The following KIAA1210 variants were observed in gnomAD, a reference collection of about 807,000 sequenced individuals.
KIAA1210 encodes the protein KIAA1210, also known as acrosomal protein KIAA1210.
KIAA1210 carries 48 observed loss-of-function variants against 78.9 expected under a neutral mutation model. That is an observed-to-expected ratio of 0.61 (90% CI 0.48 to 0.77). The LOEUF is 0.77. Among genes scored for constraint, KIAA1210 ranks in the 30% least tolerant of loss-of-function variants. KIAA1210 has a pLI of 0.00. For missense variants in KIAA1210, 1,108 were observed against 1,100.0 expected (o/e 1.01, Z -0.10); for synonymous variants, 406 against 404.5 (o/e 1.00, Z -0.04).
Position 119,092,819 on chromosome X carries a change from G to A in KIAA1210, c.955+848C>T, listed in dbSNP as rs1927428364. Reference sequence around the variant, plus strand: ...AATAAATAAAAATAAAGCTCAAAAAGACAAAAGAGTACTCATTTAATCTTC... The same window carrying A: ...AATAAATAAAAATAAAGCTCAAAAAAACAAAAGAGTACTCATTTAATCTTC... On this transcript the variant is annotated intron_variant, in intron 8 of 11. Coordinates refer to ENST00000691062, the MANE Select transcript of KIAA1210 (RefSeq NM_001394962.1). Among the ~76,000 whole-genome samples, 3 of 107,199 alleles carry A rather than the reference G, an allele frequency of 2.8e-5. No homozygotes were observed. The Admixed American group carries it at 3.0e-4, about 11-fold the overall frequency. 93.1% of individuals were successfully genotyped at this position (107,199 alleles called of 115,157 possible). A position where few individuals can be genotyped will look rare whatever the true frequency, so the allele number is the denominator to read the frequency against.
Position 119,081,282 on chromosome X carries a change from A to G in KIAA1210, c.*47T>C, listed in dbSNP as rs766149150. ...ACTCTGTCTCAAAAAAAAAAAAAAAAAAAAAAACTAAATAAAATAAATGCT... is the reference window on the plus strand; with the variant it reads ...ACTCTGTCTCAAAAAAAAAAAAAAAGAAAAAAACTAAATAAAATAAATGCT... On this transcript the variant is annotated 3_prime_UTR_variant, in exon 12 of 12. Transcript: ENST00000691062. The G allele has an allele frequency of 1.6e-5, 16 of 991,566 alleles. No homozygotes were observed. Among genetic ancestry groups the G allele is most frequent in the Non-Finnish European group, 1.7e-5 (13 of 746,517 alleles). The allele number at this position is 991,566 out of a possible 1,213,427, so 81.7% of individuals were successfully genotyped here. A position where few individuals can be genotyped will look rare whatever the true frequency, so the allele number is the denominator to read the frequency against.
intron 6 of KIAA1210, among the ~76,000 whole-genome samples, chrX:119,099,078 A>T (rs956137702): frequency 8.9e-6 from 1 of 112,440 alleles, no homozygotes; most frequent in African/African-American, 3.2e-5. Flanking sequence ...GAGGTCTATG[A>T]ATCTGGAAAC....
rs1400879871 is a variant in KIAA1210 at position 119,096,590 on chromosome X, G to T, written c.750C>A (p.Ser250Arg). The T allele has an allele frequency of 8.3e-7, 1 of 1,211,253 alleles. No individual in the cohort carries two copies. The highest frequency in any genetic ancestry group is 1.1e-6 in the Non-Finnish European group (1 of 894,956). ...AACAGCCCTGGGTGGTGGCTGGGGT[G>T]CTGAAACCAATGGGCAGCTGGGTGC... The part of the protein sequence containing the change: ...TSSTQLPIGF[S>R]TPATTQGCLD... The change falls in exon 7 of 12, where the codon AGC becomes AGA. Residue 250 changes from serine (S) to arginine (R), a missense_variant. Physicochemically the swap from Ser to Arg is moderately radical, Grantham distance 110. Coordinates refer to ENST00000691062, the MANE Select transcript of KIAA1210 (RefSeq NM_001394962.1).
At chrX:119,109,044 A>G (rs1288901430) in intron 4 of KIAA1210, 32 bp downstream of exon 4, 3 of 1,201,265 alleles carry the variant, frequency 2.5e-6, no homozygotes, top group Non-Finnish European at 3.4e-6. Flanking sequence ...GAAGTAGTCC[A>G]ATTAGACACT....
rs1402715141 is a variant in KIAA1210 at position 119,108,482 on chromosome X, G to A, written c.358-11C>T. 8.4e-7 allele frequency: 1 copy of A among 1,196,709 alleles called. No individual in the cohort carries two copies. The highest frequency in any genetic ancestry group is 1.1e-6 in the Non-Finnish European group (1 of 890,110). ...GGAAATATGGGATCTCTGTGTAAGA[G>A]AGAGAGAAAAAAACTTGAGGATTGG... On this transcript the variant is annotated splice_polypyrimidine_tract_variant and intron_variant, in intron 4 of 11. Transcript: ENST00000691062.
chrX:119,138,211 G>GTTTTTTTTTT (rs759946882), intron 2 of KIAA1210, among the ~76,000 whole-genome samples: 5 of 47,845 alleles, frequency 1.0e-4, no homozygotes, highest in African/African-American at 1.8e-4. Context: ...TGGTTTGGTT[G>GTTTTTTTTTT]TTTTTTTTTT....
rs1928901087 is a variant in KIAA1210, at chrX:119,135,882, C to T, written c.410+11591G>A. ...CATCCTGGCCAACATGTTGAAACCC[C>T]GTCTCTACTAAAAATACAAAAATTA... On this transcript the variant is annotated intron_variant, in intron 2 of 13. Transcript: ENST00000402510. Among the ~76,000 whole-genome samples the T allele has an allele frequency of 3.6e-5, 4 of 111,096 alleles. No individual in the cohort carries two copies. The South Asian group carries it at 1.5e-3, about 43-fold the overall frequency.
intron 6 of KIAA1210, among the ~76,000 whole-genome samples, chrX:119,104,601 C>T (rs1330978701): frequency 3.6e-5 from 4 of 111,603 alleles, no homozygotes; most frequent in Admixed American, 1.9e-4. Context: ...ATAGACACAT[C>T]GCCCTCTCAC....
At chrX:119,108,906 A>T (rs1927981804) in intron 4 of KIAA1210, among the ~76,000 whole-genome samples, 170 bp downstream of exon 4, 1 of 110,937 alleles carries the variant, frequency 9.0e-6, no homozygotes, top group Non-Finnish European at 1.9e-5. Flanking sequence ...GGTAATAGGC[A>T]CATTATATAT....
intron 9 of KIAA1210, among the ~76,000 whole-genome samples, 169 bp from the exon 10 acceptor site, chrX:119,085,715 C>A (rs1927111330): frequency 8.9e-6 from 1 of 112,438 alleles, no homozygotes; most frequent in Non-Finnish European, 1.9e-5. Context: ...CTCCCTATAG[C>A]TTGGCAAGGC....
intron 7 of KIAA1210, among the ~76,000 whole-genome samples, chrX:119,094,339 G>T (rs1169391247): frequency 8.9e-6 from 1 of 111,830 alleles, no homozygotes; most frequent in African/African-American, 3.3e-5. Flanking sequence ...GCTGAAGTTG[G>T]TTTAGTATAA....
chrX:119,142,774 CAAAAAAAA>C (rs11439597), intron 2 of KIAA1210, among the ~76,000 whole-genome samples: 1 of 38,801 alleles, frequency 2.6e-5, no homozygotes, highest in African/African-American at 1.0e-4. Context: ...GACTCCATCT[CAAAAAAAA>C]AAAAAAAAAA....
chrX:119,144,505 A>G (rs1211127594), intron 2 of KIAA1210, among the ~76,000 whole-genome samples: 1 of 111,765 alleles, frequency 8.9e-6, no homozygotes, highest in Non-Finnish European at 1.9e-5. Flanking sequence ...CACTACTATG[A>G]TTACCATTTT....
chrX:119,114,539 T>C (rs967592598), intron 3 of KIAA1210, among the ~76,000 whole-genome samples: 9 of 112,375 alleles, frequency 8.0e-5, no homozygotes, highest in Admixed American at 1.9e-4. Flanking sequence ...TATGCACATA[T>C]AACACGCTTT....
In KIAA1210 at chrX:119,079,423, G is replaced by A. The variant is rs192017735; in HGVS notation, c.*1906C>T. 8.9e-6 allele frequency: 1 copy of A among 111,738 alleles called. No homozygotes were observed. Among genetic ancestry groups the A allele is most frequent in the Non-Finnish European group, 1.9e-5 (1 of 53,099 alleles). 9.2% of individuals were successfully genotyped at this position (111,738 alleles called of 1,213,427 possible). A position where few individuals can be genotyped will look rare whatever the true frequency, so the allele number is the denominator to read the frequency against. On this transcript the variant is annotated 3_prime_UTR_variant, in exon 12 of 12. Transcript: ENST00000691062. ...GGGAGCTCTCCCTTAGTGTTTGGTG[G>A]GTTTGGGGGATGGAATGAAGAGAAA...
At chrX:119,094,062 T>C (rs201002608) in intron 7 of KIAA1210, 2 of 1,204,999 alleles carry the variant, frequency 1.7e-6, no homozygotes, top group African/African-American at 1.8e-5. Flanking sequence ...TAAAATACCC[T>C]GGAAATGACT....
chrX:119,104,015 C>T (rs1569316667), intron 6 of KIAA1210, among the ~76,000 whole-genome samples: 1 of 112,068 alleles, frequency 8.9e-6, no homozygotes, highest in African/African-American at 3.2e-5. Context: ...GGTTCTGGAC[C>T]TTGATAGTGG....
intron 3 of KIAA1210, 59 bp downstream of exon 3, chrX:119,116,437 A>C: frequency 8.8e-7 from 1 of 1,132,199 alleles, no homozygotes; most frequent in Non-Finnish European, 1.2e-6. Context: ...AAGGTGACCT[A>C]GATCCAACTG....
chrX:119,133,814 C>T (rs1163911656), intron 2 of KIAA1210, among the ~76,000 whole-genome samples: 1 of 109,100 alleles, frequency 9.2e-6, no homozygotes, highest in Non-Finnish European at 1.9e-5. Context: ...TGATGCATGG[C>T]TTTGGTGGCA....
Sources: allele counts gnomAD v4.1 joint callset (sites outside exome capture counted in the v4.1 genomes callset), GRCh38; gene constraint gnomAD v4.1.1; transcripts MANE v1.5; gene names NCBI Gene and HGNC (gene_info 2026-07-23, HGNC 2026-07-21).